Variants in DAB1 observed in about 807,000 individuals in gnomAD.
The protein encoded by DAB1 is DAB adaptor protein 1.
DAB1 carries 15 observed loss-of-function variants against 64.6 expected under a neutral mutation model. The ratio of observed to expected loss-of-function variants is 0.23; its 90% CI spans 0.16 to 0.36. The LOEUF (loss-of-function observed/expected upper bound fraction) is 0.36, where lower values mean the gene tolerates loss of function less well. Ranked by LOEUF, DAB1 falls within the 10% of genes least tolerant of loss-of-function variation. DAB1 has a pLI of 1.00. For missense variants in DAB1, 596 were observed against 706.7 expected, an observed-to-expected ratio of 0.84 and a Z score of 1.78; for synonymous variants, 235 against 251.9, an observed-to-expected ratio of 0.93 and a Z score of 0.64.
chr1:58,446,078 C>T (rs755904003), intron 3 of DAB1, among the ~76,000 whole-genome samples: 2 of 152,192 alleles, frequency 1.3e-5, no homozygotes, highest in Admixed American at 6.5e-5. Context: ...TCCCTGGTTA[C>T]CCCTAACCAT....
intron 3 of DAB1, among the ~76,000 whole-genome samples, chr1:58,351,858 G>A (rs1003542679): frequency 6.8e-6 from 1 of 146,058 alleles, no homozygotes; most frequent in Non-Finnish European, 1.5e-5. Flanking sequence ...AGCCTGTTGA[G>A]CCATACTAGA....
At chr1:57,479,758 T>C (rs1643988335) in intron 7 of DAB1, among the ~76,000 whole-genome samples, 1 of 152,080 alleles carries the variant, frequency 6.6e-6, no homozygotes, top group Non-Finnish European at 1.5e-5. Flanking sequence ...CCTCTATCTC[T>C]CTGCAGCTTC....
At chr1:58,383,612 C>T (rs972058794) in intron 3 of DAB1, among the ~76,000 whole-genome samples, 1 of 66,990 alleles carries the variant, frequency 1.5e-5, no homozygotes, top group Admixed American at 1.0e-4. Context: ...GTATCTGACA[C>T]ATGACACTCA....
chr1:57,940,940 A>T (rs1478895323), intron 5 of DAB1, among the ~76,000 whole-genome samples: 1 of 152,232 alleles, frequency 6.6e-6, no homozygotes, highest in Admixed American at 6.5e-5. Context: ...GAGATACCTA[A>T]TACAATACAT....
intron 7 of DAB1, among the ~76,000 whole-genome samples, chr1:57,615,036 AT>A (rs1466485599): frequency 6.6e-6 from 1 of 151,086 alleles, no homozygotes. Flanking sequence ...CGCCTGGCTA[AT>A]TTTTTTGTAT....
rs111333311 is a variant in DAB1 at position 57,524,197 on chromosome 1, G to A, written n.625+125395C>T. Among the ~76,000 whole-genome samples, 376 of 152,126 alleles carry A rather than the reference G, an allele frequency of 2.5e-3. 1 individual carries two copies. The highest frequency in any genetic ancestry group is 8.2e-3 in the African/African-American group (341 of 41,476). ...GGGAAAAGAAGAGAGAAAAGACATA[G>A]AGGCGAAAGTTTTCTGCAAAATTAT... On this transcript the variant is annotated intron_variant and non_coding_transcript_variant, in intron 7 of 20. Coordinates refer to the DAB1 transcript ENST00000485760.
intron 4 of DAB1, among the ~76,000 whole-genome samples, chr1:58,296,298 C>T (rs947123802): frequency 4.0e-5 from 6 of 151,646 alleles, no homozygotes; most frequent in Non-Finnish European, 8.8e-5. Flanking sequence ...ACTGAGTGTC[C>T]ACAGTGGTAT....
chr1:57,803,704 T>C (rs577223122), intron 6 of DAB1, among the ~76,000 whole-genome samples: 5 of 152,364 alleles, frequency 3.3e-5, no homozygotes, highest in African/African-American at 1.2e-4. Context: ...TCTCTGGATC[T>C]AGAACTAGAC....
intron 7 of DAB1, among the ~76,000 whole-genome samples, chr1:57,542,445 A>G (rs1327937864): frequency 2.0e-5 from 3 of 150,098 alleles, no homozygotes; most frequent in African/African-American, 7.4e-5. Flanking sequence ...GGAAGCGAGC[A>G]TGGTTGAAAG....
intron 5 of DAB1, among the ~76,000 whole-genome samples, chr1:57,987,172 G>C (rs1646238853): frequency 6.6e-6 from 1 of 151,976 alleles, no homozygotes; most frequent in Non-Finnish European, 1.5e-5. Flanking sequence ...TGAAACCATA[G>C]AGAACAAATC....
At chr1:57,530,801 A>G (rs559142278) in intron 7 of DAB1, among the ~76,000 whole-genome samples, 1 of 152,314 alleles carries the variant, frequency 6.6e-6, no homozygotes, top group Admixed American at 6.5e-5. Context: ...AGTGTGCTGC[A>G]ATCCAATTAA....
Position 58,355,055 on chromosome 1 carries a change from C to T in DAB1, n.258-11652G>A, listed in dbSNP as rs548473729. ...AATAACTCAATGGATATTTATTGAA[C>T]GTCTCCTGTGTGCTGTTCTGGGTGT... is the stretch of plus-strand genomic sequence containing the variant. On this transcript the variant is annotated intron_variant and non_coding_transcript_variant, in intron 3 of 20. Transcript: ENST00000485760. 4.6e-5 allele frequency among the ~76,000 whole-genome samples: 7 copies of T among 152,232 alleles called. No homozygotes were observed. The East Asian group carries it at 9.7e-4, about 21-fold the overall frequency.
intron 1 of DAB1, among the ~76,000 whole-genome samples, chr1:57,423,079 G>A (rs1188054012): frequency 1.3e-5 from 2 of 151,830 alleles, no homozygotes; most frequent in African/African-American, 4.8e-5. Context: ...CTGCCTCTGG[G>A]TTCTCTCGGC....
intron 5 of DAB1, among the ~76,000 whole-genome samples, chr1:58,126,728 G>C (rs891752836): frequency 9.9e-5 from 15 of 151,338 alleles, no homozygotes; most frequent in Non-Finnish European, 1.6e-4. Flanking sequence ...TTGTTCTTGC[G>C]ATAGTTTACT....
chr1:58,262,356 C>T (rs1404600485), intron 4 of DAB1, among the ~76,000 whole-genome samples: 1 of 152,128 alleles, frequency 6.6e-6, no homozygotes, highest in Non-Finnish European at 1.5e-5. Context: ...CCTCCTCCAA[C>T]AAAAGACCTC....
chr1:57,364,065 T>C (rs909179681), intron 1 of DAB1, among the ~76,000 whole-genome samples: 84 of 152,160 alleles, frequency 5.5e-4, no homozygotes, highest in Non-Finnish European at 1.6e-4. Flanking sequence ...GTTGGCCATT[T>C]TGGGTCTATT....
rs113159435 is a variant in DAB1 at position 58,182,136 on chromosome 1, G to T, written n.310-31548C>A. Among the ~76,000 whole-genome samples, 4 of 152,064 alleles carry T rather than the reference G, an allele frequency of 2.6e-5. 1 individual carries two copies. The highest frequency in any genetic ancestry group is 9.6e-5 in the African/African-American group (4 of 41,454). ...GCCTTCCGGCCTCTATTTCTAGTAG[G>T]AAGTCAGTTGTGAATCTTATTTTCA... On this transcript the variant is annotated intron_variant and non_coding_transcript_variant, in intron 4 of 20. Coordinates refer to the DAB1 transcript ENST00000485760.
At chr1:57,835,781 G>T (rs1232028393) in intron 1 of DAB1, among the ~76,000 whole-genome samples, 1 of 152,190 alleles carries the variant, frequency 6.6e-6, no homozygotes, top group African/African-American at 2.4e-5. Context: ...CCTGCAGCAG[G>T]GTTACTACTT....
chr1:58,211,691 A>G (rs1173756026), intron 4 of DAB1, among the ~76,000 whole-genome samples: 1 of 152,184 alleles, frequency 6.6e-6, no homozygotes, highest in African/African-American at 2.4e-5. Flanking sequence ...TTTCTCCTGT[A>G]TCTCTAATTC....
Sources: allele counts gnomAD v4.1 joint callset (sites outside exome capture counted in the v4.1 genomes callset), GRCh38; gene constraint gnomAD v4.1.1; transcripts MANE v1.5; gene names NCBI Gene and HGNC (gene_info 2026-07-23, HGNC 2026-07-21).